PARS2: variants seen among roughly 807,000 people sequenced by gnomAD.
PARS2 encodes prolyl-tRNA synthetase 2, mitochondrial.
A neutral mutation model predicts 27.4 loss-of-function variants in PARS2; 20 were observed. That is an observed-to-expected ratio of 0.73 (90% confidence interval 0.51 to 1.06). PARS2 has a LOEUF of 1.06. PARS2 is among the 50% of genes least tolerant of loss of function. PARS2 has a pLI of 0.00. For synonymous variants in PARS2, 240 were observed against 247.1 expected, an observed-to-expected ratio of 0.97 and a Z score of 0.27; for missense variants, 585 against 602.1, an observed-to-expected ratio of 0.97 and a Z score of 0.30.
chr1:54,763,688 C>A (rs1401520918), intron 1 of PARS2, among the ~76,000 whole-genome samples: 3 of 152,342 alleles, frequency 2.0e-5, no homozygotes, highest in Middle Eastern at 3.4e-3. Flanking sequence ...TGCAACACTT[C>A]AGGCTCTGGC....
chr1:54,763,390 A>G (rs950584237), intron 1 of PARS2, among the ~76,000 whole-genome samples: 1 of 152,122 alleles, frequency 6.6e-6, no homozygotes, highest in Non-Finnish European at 1.5e-5. Context: ...TTAACATTCT[A>G]TTCCTTGATG....
intron 1 of PARS2, among the ~76,000 whole-genome samples, chr1:54,762,496 G>A (rs1373208313): frequency 6.6e-6 from 1 of 152,212 alleles, no homozygotes; most frequent in African/African-American, 2.4e-5. Context: ...CATTTAGTAA[G>A]TTTGGGGTGT....
At chr1:54,760,047 G>A (rs886975608) in intron 1 of PARS2, among the ~76,000 whole-genome samples, 5 of 151,750 alleles carry the variant, frequency 3.3e-5, no homozygotes, top group Admixed American at 6.6e-5. Context: ...TAATCCCTCA[G>A]CCTGGAGTCA....
rs551157484 is a variant in PARS2, at chr1:54,764,469, C to T, written c.-38G>A. ...CACCCACGTTCACCTACCGCAATCC[C>T]AGCCCACGCCTCCCGCAAGACCACC... On this transcript the variant is annotated 5_prime_UTR_variant, in exon 1 of 2. Coordinates refer to ENST00000371279, the MANE Select transcript of PARS2 (RefSeq NM_152268.4). 1 of 152,426 alleles carries T rather than the reference C, an allele frequency of 6.6e-6. No homozygotes were observed. The highest frequency in any genetic ancestry group is 6.5e-5 in the Admixed American group (1 of 15,314). 9.4% of individuals were successfully genotyped at this position (152,426 alleles called of 1,614,324 possible).
Position 54,758,099 on chromosome 1 carries a change from G to C in PARS2, c.1063C>G (p.Leu355Val), listed in dbSNP as rs1646132207. ...TRILAAAIEVLSTEDCVRWPS... is the reference protein window; with the variant it reads ...TRILAAAIEVVSTEDCVRWPS... ...CAGCGGACACAGTCTTCTGTAGAGA[G>C]GACTTCAATGGCAGCAGCCAAGATC... Residue 355 changes from leucine (L) to valine (V), a missense_variant, in exon 2 of 2, where the codon CTC (leucine) becomes GTC (valine). Physicochemically the swap from Leu to Val is conservative, Grantham distance 32. Transcript: ENST00000371279. The C allele has an allele frequency of 6.2e-7, 1 of 1,613,992 alleles. No homozygotes were observed. The highest frequency in any genetic ancestry group is 1.3e-5 in the African/African-American group (1 of 74,918).
At chr1:54,764,280 G>A (rs905778887) in intron 1 of PARS2, among the ~76,000 whole-genome samples, 181 bp downstream of exon 1, 6 of 152,220 alleles carry the variant, frequency 3.9e-5, no homozygotes, top group African/African-American at 1.4e-4. Flanking sequence ...TACAACGGAG[G>A]ACACGGAGAC....
chr1:54,758,454 CTTG>C lies in PARS2; in HGVS notation c.705_707del (p.Asn235del). 6.2e-7 allele frequency: 1 copy of C among 1,614,118 alleles called. No individual in the cohort carries two copies. Among genetic ancestry groups the C allele is most frequent in the South Asian group, 1.1e-5 (1 of 91,080 alleles). On this transcript the variant is annotated inframe_deletion, in exon 2 of 2. Coordinates refer to ENST00000371279, the MANE Select transcript of PARS2 (RefSeq NM_152268.4). ...GGACCTTGACAAATGGCAGCCCTAG[CTTG>C]TTGAACAGGCTGCAGTAGGCATCAC...
chr1:54,757,869 G>A lies in PARS2; in HGVS notation c.1293C>T (p.Pro431=), dbSNP rs758342387. ...RLKDANKFGY[P]FVIIAGKRAL... ...CCCTCTTGCCAGCGATTATCACAAA[G>A]GGGTAGCCAAACTTGTTGGCATCTT... is the stretch of plus-strand genomic sequence containing the variant. Residue 431 remains proline (P), a synonymous_variant, in exon 2 of 2, where the codon CCC becomes CCT. Transcript: ENST00000371279. 3 of 1,614,076 alleles carry A rather than the reference G, an allele frequency of 1.9e-6. No homozygotes were observed. The African/African-American group carries it at 4.0e-5, about 22-fold the overall frequency.
At position 54,757,594 on chromosome 1, in the gene PARS2, A is replaced by ACTGATTTCCC; in HGVS notation, c.*139_*140insGGGAAATCAG. On this transcript the variant is annotated 3_prime_UTR_variant, in exon 2 of 2. Coordinates refer to ENST00000371279, the MANE Select transcript of PARS2 (RefSeq NM_152268.4). ...AATCTGAACAAATGACTAGATAAAA[A>ACTGATTTCCC]TTGATTTCCCTAACATGATCTCACC... 1.7e-6 allele frequency: 1 copy of ACTGATTTCCC among 594,444 alleles called. No homozygotes were observed. The highest frequency in any genetic ancestry group is 3.0e-6 in the Non-Finnish European group (1 of 338,200). The allele number at this position is 594,444 out of a possible 1,614,324, so 36.8% of individuals were successfully genotyped here.
chr1:54,759,212 G>C, intron 1 of PARS2, 22 bp from the exon 2 acceptor site: 1 of 1,424,996 alleles, frequency 7.0e-7, no homozygotes, highest in Non-Finnish European at 9.5e-7. Flanking sequence ...TGAGTTGTGT[G>C]AGAATGAGCC....
chr1:54,757,290 T>C lies in PARS2; in HGVS notation c.*444A>G, dbSNP rs897751616. ...AGTGGAGAGGGGCTGGCAGGCCTGC[T>C]CTCTGGATAGAATGTAGCAAAAGGC... On this transcript the variant is annotated 3_prime_UTR_variant, in exon 2 of 2. Coordinates refer to ENST00000371279, the MANE Select transcript of PARS2 (RefSeq NM_152268.4). 1.3e-5 allele frequency: 2 copies of C among 154,034 alleles called. No individual in the cohort carries two copies. The highest frequency in any genetic ancestry group is 4.8e-5 in the African/African-American group (2 of 41,488). The allele number at this position is 154,034 out of a possible 1,614,324, so 9.5% of individuals were successfully genotyped here.
Position 54,758,470 on chromosome 1 carries a change from C to T in PARS2, c.692G>A (p.Cys231Tyr). The change falls in exon 2 of 2, where the codon TGC becomes TAC. Residue 231 changes from cysteine to tyrosine, a missense_variant. Physicochemically the swap from Cys to Tyr is radical, Grantham distance 194. Coordinates refer to ENST00000371279, the MANE Select transcript of PARS2 (RefSeq NM_152268.4). ...CAGCCCTAGCTTGTTGAACAGGCTG[C>T]AGTAGGCATCACACACCAGGCTGTA... ...QTYSLVCDAYCSLFNKLGLPF... is the reference protein window; with the variant it reads ...QTYSLVCDAYYSLFNKLGLPF... 1 of 1,614,096 alleles carries T rather than the reference C, an allele frequency of 6.2e-7. No homozygotes were observed. The highest frequency in any genetic ancestry group is 8.5e-7 in the Non-Finnish European group (1 of 1,180,000).
chr1:54,757,665 G>A lies in PARS2; in HGVS notation c.*69C>T, dbSNP rs1202860110. 2 of 1,008,326 alleles carry A rather than the reference G, an allele frequency of 2.0e-6. No homozygotes were observed. The highest frequency in any genetic ancestry group is 2.1e-5 in the Admixed American group (1 of 47,126). The allele number at this position is 1,008,326 out of a possible 1,614,324, so 62.5% of individuals were successfully genotyped here. On this transcript the variant is annotated 3_prime_UTR_variant, in exon 2 of 2. Transcript: ENST00000371279. The stretch of plus-strand genomic sequence containing the variant: ...CTGGAGAGAGCAGTCCAGGAAAGGG[G>A]TGTAGGAAAATGCAGTGTTAGAACG...
At position 54,757,935 on chromosome 1, in the gene PARS2, G is replaced by A; in HGVS notation, c.1227C>T (p.Leu409=). Residue 409 remains leucine, a synonymous_variant, in exon 2 of 2, where the codon CTC becomes CTT. Transcript: ENST00000371279. ...TGGTCAGATGGGTCCTGTCGTCCAG[G>A]AGCACCTCCCCGTGAAGCTGAGGCA... is the stretch of plus-strand genomic sequence containing the variant. ...EAVPQLHGEV[L]LDDRTHLTIG... is the part of the protein sequence containing the mutation. The A allele has an allele frequency of 6.2e-7, 1 of 1,614,132 alleles. No individual in the cohort carries two copies. The highest frequency in any genetic ancestry group is 8.5e-7 in the Non-Finnish European group (1 of 1,180,022).
Position 54,757,630 on chromosome 1 carries a change from T to C in PARS2, c.*104A>G. On this transcript the variant is annotated 3_prime_UTR_variant, in exon 2 of 2. Transcript: ENST00000371279. The stretch of plus-strand genomic sequence containing the variant: ...TAACATGATCTCACCCTCCATGAGC[T>C]GTGCTGTTTCTGGAGAGAGCAGTCC... 1 of 673,254 alleles carries C rather than the reference T, an allele frequency of 1.5e-6. No individual in the cohort carries two copies. The highest frequency in any genetic ancestry group is 2.5e-6 in the Non-Finnish European group (1 of 394,000). 41.7% of individuals were successfully genotyped at this position (673,254 alleles called of 1,614,324 possible).
Position 54,758,923 on chromosome 1 carries a change from A to G in PARS2, c.239T>C (p.Ile80Thr), listed in dbSNP as rs1246773873. 5.6e-6 allele frequency: 9 copies of G among 1,614,138 alleles called. No individual in the cohort carries two copies. The highest frequency in any genetic ancestry group is 7.6e-6 in the Non-Finnish European group (9 of 1,179,996). Reference protein sequence around the residue: ...SQRLMLQVGLIYPASPGCYHL... With the variant: ...SQRLMLQVGLTYPASPGCYHL... Reference sequence around the variant, plus strand: ...GTAACAGCCGGGGCTTGCTGGGTAGATCAGGCCCACCTGCAGCATCAGCCG... The same window carrying G: ...GTAACAGCCGGGGCTTGCTGGGTAGGTCAGGCCCACCTGCAGCATCAGCCG... Residue 80 changes from isoleucine (I) to threonine (T), a missense_variant, in exon 2 of 2, where the codon ATC becomes ACC. Coordinates refer to ENST00000371279, the MANE Select transcript of PARS2 (RefSeq NM_152268.4).
At position 54,758,518 on chromosome 1, in the gene PARS2, G is replaced by T. The variant is rs1646135332; in HGVS notation, c.644C>A (p.Ser215Tyr). 1.9e-6 allele frequency: 3 copies of T among 1,614,068 alleles called. No individual in the cohort carries two copies. ...GTAGGTCTGCTGGGCAGCCTCTGGG[G>T]AGGAGTCAAAGGTGTACATATCCTT... is the stretch of plus-strand genomic sequence containing the variant. ...YMKDMYTFDS[S>Y]PEAAQQTYSL... Residue 215 changes from serine to tyrosine, a missense_variant, in exon 2 of 2, where the codon TCC (serine) becomes TAC (tyrosine). Ser to Tyr is a moderately radical substitution (Grantham distance 144). Coordinates refer to ENST00000371279, the MANE Select transcript of PARS2 (RefSeq NM_152268.4).
At chr1:54,760,301 G>A (rs772897141) in intron 1 of PARS2, among the ~76,000 whole-genome samples, 3 of 151,996 alleles carry the variant, frequency 2.0e-5, no homozygotes, top group East Asian at 3.9e-4. Flanking sequence ...CATTCTCCCC[G>A]CAAACCTACT....
intron 1 of PARS2, among the ~76,000 whole-genome samples, chr1:54,761,941 G>C (rs1646159449): frequency 6.6e-6 from 1 of 152,244 alleles, no homozygotes; most frequent in Admixed American, 6.5e-5. Flanking sequence ...ACTTAGGGCA[G>C]TGGCTCCAGC....
Sources: gnomAD v4.1 joint callset for allele counts (sites outside exome capture counted in the v4.1 genomes callset) on GRCh38, gnomAD v4.1.1 for gene constraint, MANE v1.5 for transcripts, NCBI Gene and HGNC (gene_info 2026-07-23, HGNC 2026-07-21) for gene names.